Variants in ICA1 observed in about 807,000 individuals in gnomAD.
ICA1 encodes the protein 69 kDa islet cell autoantigen.
A neutral mutation model predicts 71.0 loss-of-function variants in ICA1; 40 were observed. That is an observed-to-expected ratio of 0.56 (90% confidence interval 0.44 to 0.73). The LOEUF (loss-of-function observed/expected upper bound fraction) is 0.73. ICA1 is among the 30% of genes least tolerant of loss of function. The probability of loss-of-function intolerance (pLI) is 0.00; values close to 1 mark genes in which losing one functional copy is unlikely to be tolerated. For missense variants in ICA1, 578 were observed against 576.5 expected, an observed-to-expected ratio of 1.00 and a Z score of -0.03; for synonymous variants, 207 against 209.5, an observed-to-expected ratio of 0.99 and a Z score of 0.10.
Position 8,214,359 on chromosome 7 carries a change from C to G in ICA1, c.579+3946G>C, listed in dbSNP as rs142629673. Among the ~76,000 whole-genome samples, 233 of 152,322 alleles carry G rather than the reference C, an allele frequency of 1.5e-3. 3 individuals are homozygous for G. The highest frequency in any genetic ancestry group is 5.1e-3 in the African/African-American group (211 of 41,570). ...TTTAAATCATACCCTTTTACTCTGC[C>G]TTCAAAGAGCACATATATCACACGT... On this transcript the variant is annotated intron_variant, in intron 6 of 13. Coordinates refer to ENST00000402384, the MANE Select transcript of ICA1 (RefSeq NM_001136020.3).
At chr7:8,145,714 T>C (rs6969882) in intron 8 of ICA1, among the ~76,000 whole-genome samples, 127,779 of 145,172 alleles carry the variant, frequency 0.88, 56,945 homozygotes, top group East Asian at 1. Flanking sequence ...TTTCTGCTTT[T>C]TTCATACACT....
At position 8,237,501 on chromosome 7, in the gene ICA1, G is replaced by C. The variant is rs1443370204; in HGVS notation, c.-79-1496C>G. On this transcript the variant is annotated intron_variant, in intron 1 of 13. Transcript: ENST00000402384. ...TAATTTAAAAGTGTACAGTATAGTA[G>C]TGCTAACAATATACACTTTGTTGTA... 2.6e-5 allele frequency among the ~76,000 whole-genome samples: 4 copies of C among 152,020 alleles called. No individual in the cohort carries two copies. The East Asian group carries it at 7.7e-4, about 29-fold the overall frequency.
At chr7:8,211,924 T>C (rs549701634) in intron 6 of ICA1, among the ~76,000 whole-genome samples, 5 of 152,326 alleles carry the variant, frequency 3.3e-5, no homozygotes, top group African/African-American at 1.2e-4. Flanking sequence ...GGCATGGTCA[T>C]GTTCCAATAA....
chr7:8,176,536 A>G (rs1214284126), intron 6 of ICA1, among the ~76,000 whole-genome samples: 1 of 152,218 alleles, frequency 6.6e-6, no homozygotes, highest in East Asian at 1.9e-4. Flanking sequence ...GGGAAACCAC[A>G]GCACTCAATT....
At chr7:8,170,347 T>C (rs954350218) in intron 6 of ICA1, among the ~76,000 whole-genome samples, 3 of 152,030 alleles carry the variant, frequency 2.0e-5, no homozygotes, top group African/African-American at 7.2e-5. Context: ...TCTATACAAA[T>C]CTTAGGGTCA....
intron 10 of ICA1, 84 bp downstream of exon 10, chr7:8,141,681 G>T: frequency 1.3e-6 from 1 of 797,228 alleles, no homozygotes; most frequent in Non-Finnish European, 2.0e-6. Flanking sequence ...GGCCTAGGAG[G>T]AGTTTGTCAA....
At chr7:8,126,308 C>G (rs1040167783) in intron 13 of ICA1, among the ~76,000 whole-genome samples, 1 of 152,272 alleles carries the variant, frequency 6.6e-6, no homozygotes, top group South Asian at 2.1e-4. Flanking sequence ...CTCAGGGCTT[C>G]TTAGCACCTC....
chr7:8,137,168 G>A (rs978701629), intron 12 of ICA1, among the ~76,000 whole-genome samples: 4 of 151,996 alleles, frequency 2.6e-5, no homozygotes, highest in African/African-American at 4.8e-5. Flanking sequence ...AGGGGGTTAA[G>A]GAAGAGGAAT....
chr7:8,201,436 A>T (rs1789644493), intron 6 of ICA1, among the ~76,000 whole-genome samples: 1 of 152,180 alleles, frequency 6.6e-6, no homozygotes, highest in Non-Finnish European at 1.5e-5. Context: ...TGGGGCCTTC[A>T]ATCAGGGAAC....
chr7:8,255,024 G>C (rs1809573470), intron 1 of ICA1, among the ~76,000 whole-genome samples: 1 of 152,126 alleles, frequency 6.6e-6, no homozygotes, highest in Non-Finnish European at 1.5e-5. Flanking sequence ...CTTCTTTGGA[G>C]CTATCCAGAA....
intron 1 of ICA1, among the ~76,000 whole-genome samples, chr7:8,238,254 C>T (rs1802522699): frequency 1.3e-5 from 2 of 152,108 alleles, no homozygotes. Flanking sequence ...CATTTCAAGC[C>T]CACTGATGGT....
At chr7:8,135,812 G>T (rs774081127) in intron 12 of ICA1, among the ~76,000 whole-genome samples, 2 of 152,158 alleles carry the variant, frequency 1.3e-5, no homozygotes, top group Non-Finnish European at 1.5e-5. Context: ...GTCCTGGAGA[G>T]GGATCTTTTG....
rs574749962 is a variant in ICA1, at chr7:8,228,912, A to C, written c.184-239T>G. ...TGATCTAAATTAAGATCTGCAGAAC[A>C]GTTATTTCTCCCAGTCTACTGAAAT... On this transcript the variant is annotated intron_variant, in intron 3 of 13. Transcript: ENST00000402384. Among the ~76,000 whole-genome samples, 57 of 152,336 alleles carry C rather than the reference A, an allele frequency of 3.7e-4. No individual in the cohort carries two copies. The South Asian group carries it at 0.012, about 32-fold the overall frequency.
intron 1 of ICA1, among the ~76,000 whole-genome samples, chr7:8,251,516 A>AT: frequency 6.6e-6 from 1 of 150,882 alleles, no homozygotes; most frequent in East Asian, 1.9e-4. Context: ...AGACATTTAC[A>AT]TCTAAGATAA....
At chr7:8,228,554 GCTATTTCTTA>G in intron 4 of ICA1, 37 bp downstream of exon 4, 5 of 1,170,236 alleles carry the variant, frequency 4.3e-6, no homozygotes, top group Non-Finnish European at 6.1e-6. Context: ...AAAATACCCT[GCTATTTCTTA>G]CTATTTGATC....
intron 10 of ICA1, among the ~76,000 whole-genome samples, chr7:8,141,563 C>T (rs1444280693): frequency 6.6e-6 from 1 of 152,208 alleles, no homozygotes; most frequent in Non-Finnish European, 1.5e-5. Flanking sequence ...GTTCACAATA[C>T]ACAGCCTCTC....
chr7:8,227,370 G>T (rs931219249), intron 4 of ICA1, among the ~76,000 whole-genome samples: 2 of 152,128 alleles, frequency 1.3e-5, no homozygotes, highest in Non-Finnish European at 2.9e-5. Context: ...ATGGAGAGAG[G>T]AAGGAGAATC....
At position 8,132,220 on chromosome 7, in the gene ICA1, A is replaced by G. The variant is rs558563117; in HGVS notation, c.1061-4078T>C. Among the ~76,000 whole-genome samples the G allele has an allele frequency of 1.3e-5, 2 of 152,162 alleles. No individual in the cohort carries two copies. Among genetic ancestry groups the G allele is most frequent in the East Asian group, 3.9e-4 (2 of 5,182 alleles). Reference sequence around the variant, plus strand: ...CTCCTTTCTAAGATAAGCCCTCTCTATGCCCTCCCCTCCTTCCTGAAGCCT... The same window carrying G: ...CTCCTTTCTAAGATAAGCCCTCTCTGTGCCCTCCCCTCCTTCCTGAAGCCT... On this transcript the variant is annotated intron_variant, in intron 12 of 13. Coordinates refer to ENST00000402384, the MANE Select transcript of ICA1 (RefSeq NM_001136020.3). The surrounding 1 kb of genome is among the most constrained non-coding windows in gnomAD (Gnocchi z 4.5).
Position 8,113,869 on chromosome 7 carries a change from C to T in ICA1, c.*54G>A. On this transcript the variant is annotated 3_prime_UTR_variant, in exon 14 of 14. Transcript: ENST00000402384. The surrounding 1 kb of genome is among the most constrained non-coding windows in gnomAD (Gnocchi z 4.2). The stretch of plus-strand genomic sequence containing the variant: ...CTGATCACTTTATACTTCTGCTAGC[C>T]CCCAGGGGAGCTGCTGGGGGCGGCA... 1 of 1,600,516 alleles carries T rather than the reference C, an allele frequency of 6.2e-7. No individual in the cohort carries two copies. Among genetic ancestry groups the T allele is most frequent in the East Asian group, 2.2e-5 (1 of 44,784 alleles).
Sources: gnomAD v4.1 joint callset for allele counts (sites outside exome capture counted in the v4.1 genomes callset) on GRCh38, gnomAD v4.1.1 for gene constraint, Gnocchi (gnomAD v3.1) non-coding constraint, MANE v1.5 for transcripts, NCBI Gene and HGNC (gene_info 2026-07-23, HGNC 2026-07-21) for gene names.